The following MAPK10 variants were observed in gnomAD, a reference collection of about 807,000 sequenced individuals.
The protein encoded by MAPK10 is JNK3 alpha protein kinase.
MAPK10 carries 25 observed loss-of-function variants against 59.3 expected under a neutral mutation model. The observed-to-expected ratio is 0.42, with a 90% CI of 0.31 to 0.59. MAPK10 has a LOEUF of 0.59. Ranked by LOEUF, MAPK10 falls within the 20% of genes least tolerant of loss-of-function variation. The pLI, the probability that MAPK10 is intolerant of heterozygous loss-of-function variation, is 0.15. For missense variants in MAPK10, 351 were observed against 568.9 expected, an observed-to-expected ratio of 0.62 and a Z score of 3.90; for synonymous variants, 190 against 200.5, an observed-to-expected ratio of 0.95 and a Z score of 0.44.
At chr4:86,437,211 C>T (rs1748865038) in intron 1 of MAPK10, among the ~76,000 whole-genome samples, 1 of 110,670 alleles carries the variant, frequency 9.0e-6, no homozygotes. Context: ...GAGACTCTGT[C>T]TCAAAAAAAA....
At chr4:86,084,136 G>A (rs1356311185) in intron 9 of MAPK10, among the ~76,000 whole-genome samples, 1 of 152,136 alleles carries the variant, frequency 6.6e-6, no homozygotes, top group Non-Finnish European at 1.5e-5. Context: ...CAGTTGTGGT[G>A]ACTATGGGGC....
At chr4:86,404,901 T>A (rs911065595) in intron 1 of MAPK10, among the ~76,000 whole-genome samples, 1 of 152,154 alleles carries the variant, frequency 6.6e-6, no homozygotes, top group Non-Finnish European at 1.5e-5. Flanking sequence ...CATAATATAA[T>A]AATTATATAA....
intron 1 of MAPK10, among the ~76,000 whole-genome samples, chr4:86,391,751 C>T (rs544796241): frequency 7.0e-4 from 106 of 152,274 alleles, no homozygotes; most frequent in Non-Finnish European, 1.1e-3. Flanking sequence ...GAGGTTGGAT[C>T]CTGCAGAGAA....
chr4:86,207,372 T>C (rs1284534790), intron 2 of MAPK10, among the ~76,000 whole-genome samples: 1 of 152,066 alleles, frequency 6.6e-6, no homozygotes, highest in East Asian at 1.9e-4. Context: ...GGCGGTGTTA[T>C]TTCTGAGGGC....
chr4:86,020,316 T>C (rs28516651), intron 13 of MAPK10: 30,355 of 144,982 alleles, frequency 0.21, 3,177 homozygotes, highest in East Asian at 0.3. Context: ...ACATTTTGTT[T>C]ATTTATTAGT....
intron 4 of MAPK10, among the ~76,000 whole-genome samples, chr4:86,145,858 C>T (rs1003822223): frequency 2.0e-5 from 3 of 152,090 alleles, no homozygotes; most frequent in African/African-American, 4.8e-5. Flanking sequence ...AACACACTCT[C>T]CTGCCATTAA....
intron 9 of MAPK10, among the ~76,000 whole-genome samples, chr4:86,075,126 C>T (rs1033437821): frequency 4.9e-4 from 75 of 151,806 alleles, no homozygotes; most frequent in Admixed American, 1.4e-3. Context: ...CTTCCCTTCT[C>T]GCTTCATTTC....
intron 1 of MAPK10, among the ~76,000 whole-genome samples, chr4:86,546,473 C>T (rs1353477350): frequency 6.7e-6 from 1 of 150,340 alleles, no homozygotes; most frequent in Non-Finnish European, 1.5e-5. Context: ...AGGAGAATTG[C>T]TTGAACCTGG....
At chr4:86,126,401 C>T (rs1357349156) in intron 4 of MAPK10, among the ~76,000 whole-genome samples, 1 of 152,034 alleles carries the variant, frequency 6.6e-6, no homozygotes, top group Non-Finnish European at 1.5e-5. Context: ...TATCTATCCT[C>T]AAAGTTGTGC....
chr4:86,098,846 T>C lies in MAPK10; in HGVS notation c.731-251A>G, dbSNP rs1204879651. 3 of 377,780 alleles carry C rather than the reference T, an allele frequency of 7.9e-6. No individual in the cohort carries two copies. The Admixed American group carries it at 1.1e-4, about 14-fold the overall frequency. 23.4% of individuals were successfully genotyped at this position (377,780 alleles called of 1,614,324 possible). ...GGTGCCTTACATTGCCTCTCAGCAG[T>C]GCCACAAAGTGGTGACATTGGTGAC... is the stretch of plus-strand genomic sequence containing the variant. On this transcript the variant is annotated intron_variant, in intron 8 of 13. Transcript: ENST00000641462.
chr4:86,244,641 T>C (rs1006837899), intron 2 of MAPK10, among the ~76,000 whole-genome samples: 2 of 152,182 alleles, frequency 1.3e-5, no homozygotes, highest in African/African-American at 2.4e-5. Context: ...AAGTGGCTTA[T>C]GATGCTTCCA....
intron 1 of MAPK10, among the ~76,000 whole-genome samples, chr4:86,510,474 C>T (rs1579437426): frequency 6.6e-6 from 1 of 151,218 alleles, no homozygotes; most frequent in South Asian, 2.1e-4. Context: ...AATTGTCAAT[C>T]AATAGATGAA....
intron 2 of MAPK10, among the ~76,000 whole-genome samples, chr4:86,320,971 A>T (rs1283326543): frequency 6.6e-6 from 1 of 152,068 alleles, no homozygotes; most frequent in African/African-American, 2.4e-5. Flanking sequence ...GCAGCCAAAA[A>T]ACACATGAAA....
At chr4:86,078,492 G>A (rs2049961816) in intron 9 of MAPK10, among the ~76,000 whole-genome samples, 2 of 151,862 alleles carry the variant, frequency 1.3e-5, no homozygotes, top group Admixed American at 1.3e-4. Context: ...CTATTACCTG[G>A]GGAGTAGTAC....
At chr4:86,537,987 T>C (rs957275831) in intron 1 of MAPK10, among the ~76,000 whole-genome samples, 2 of 152,156 alleles carry the variant, frequency 1.3e-5, no homozygotes, top group African/African-American at 4.8e-5. Context: ...ACACAGAATC[T>C]ATGTTCATGT....
intron 1 of MAPK10, among the ~76,000 whole-genome samples, chr4:86,537,047 G>A (rs906820419): frequency 1.3e-5 from 2 of 152,146 alleles, no homozygotes; most frequent in African/African-American, 4.8e-5. Context: ...AGGCATGAGG[G>A]TAGCCTGACT....
chr4:86,187,564 A>AG (rs1406277711), intron 3 of MAPK10, among the ~76,000 whole-genome samples: 1 of 152,154 alleles, frequency 6.6e-6, no homozygotes, highest in Non-Finnish European at 1.5e-5. Context: ...ACCACAGATA[A>AG]GGGGGGACTA....
chr4:86,092,804 T>C (rs2053500800), intron 9 of MAPK10, among the ~76,000 whole-genome samples: 1 of 152,034 alleles, frequency 6.6e-6, no homozygotes, highest in Admixed American at 6.6e-5. Flanking sequence ...TCTGTAAGAG[T>C]TCTGTACACT....
intron 2 of MAPK10, among the ~76,000 whole-genome samples, chr4:86,319,849 A>G (rs887927903): frequency 6.6e-6 from 1 of 152,222 alleles, no homozygotes; most frequent in African/African-American, 2.4e-5. Context: ...GCCTTCAGGA[A>G]GTCTTGATCA....
Sources: gnomAD v4.1 joint callset for allele counts (sites outside exome capture counted in the v4.1 genomes callset) on GRCh38, gnomAD v4.1.1 for gene constraint, MANE v1.5 for transcripts, NCBI Gene and HGNC (gene_info 2026-07-23, HGNC 2026-07-21) for gene names.